Variants in PREX1 observed in about 807,000 individuals in gnomAD.
The protein encoded by PREX1 is phosphatidylinositol 3,4,5-trisphosphate-dependent Rac exchanger 1 protein.
PREX1 carries 41 observed loss-of-function variants against 198.3 expected under a neutral mutation model. That is an observed-to-expected ratio of 0.21 (90% CI 0.16 to 0.27). The LOEUF (loss-of-function observed/expected upper bound fraction) is 0.27. PREX1 is among the 10% of genes least tolerant of loss of function. The pLI is 1.00. For synonymous variants in PREX1, 843 were observed against 887.2 expected (o/e 0.95, Z 0.89); for missense variants, 1,620 against 2,200.7 (o/e 0.74, Z 5.28).
intron 1 of PREX1, among the ~76,000 whole-genome samples, chr20:48,802,524 C>G (rs1805583363): frequency 6.6e-6 from 1 of 152,244 alleles, no homozygotes; most frequent in African/African-American, 2.4e-5. Context: ...GACAGGCAGG[C>G]CTTCCCTGAT....
chr20:48,666,501 C>T lies in PREX1; in HGVS notation c.1666-146G>A, dbSNP rs1056832639. ...TTTGTTTACTGCAGTAACCCCAAAA[C>T]GGGTTTGTGATTATTATTTTTTATT... is the stretch of plus-strand genomic sequence containing the variant. On this transcript the variant is annotated intron_variant, in intron 14 of 39. Coordinates refer to ENST00000371941, the MANE Select transcript of PREX1 (RefSeq NM_020820.4). This position sits in a 1 kb window ranked among gnomAD's most constrained non-coding sequence, Gnocchi z 4.3. The T allele has an allele frequency of 3.7e-5, 20 of 542,466 alleles. No individual in the cohort carries two copies. Among genetic ancestry groups the T allele is most frequent in the East Asian group, 1.3e-4 (4 of 30,762 alleles). 33.6% of individuals were successfully genotyped at this position (542,466 alleles called of 1,614,324 possible).
At chr20:48,792,815 A>AAAAAACAC (rs1555845875) in intron 1 of PREX1, among the ~76,000 whole-genome samples, 1 of 75,842 alleles carries the variant, frequency 1.3e-5, no homozygotes, top group African/African-American at 6.8e-5. Context: ...AAAAAAAAAA[A>AAAAAACAC]ATACACACAC....
rs559591564 is a variant in PREX1 at position 48,673,009 on chromosome 20, G to A, written c.1665+3184C>T. On this transcript the variant is annotated intron_variant, in intron 14 of 39. Transcript: ENST00000371941. ...GAACCAAAAACAGCCCCTGATACAC[G>A]GCAGGTGCTCAAAAATAATTAAAAA... 7.5e-5 allele frequency among the ~76,000 whole-genome samples: 11 copies of A among 147,466 alleles called. No individual in the cohort carries two copies. The South Asian group carries it at 2.1e-3, about 28-fold the overall frequency.
At chr20:48,681,127 G>T (rs893519467) in intron 11 of PREX1, 108 bp downstream of exon 11, 25 of 956,042 alleles carry the variant, frequency 2.6e-5, no homozygotes, top group Non-Finnish European at 4.1e-5. Context: ...AGAAAACACG[G>T]CGGCTGCACG....
the PREX1 span, among the ~76,000 whole-genome samples, chr20:48,862,850 C>T: frequency 7.0e-6 from 1 of 143,402 alleles, no homozygotes; most frequent in African/African-American, 2.6e-5. Context: ...GAGACAGGGC[C>T]TCACTGTGTT....
chr20:48,734,436 G>T, intron 4 of PREX1, 110 bp downstream of exon 4: 1 of 941,364 alleles, frequency 1.1e-6, no homozygotes, highest in Non-Finnish European at 1.7e-6. Flanking sequence ...GATTACCCCA[G>T]CCAAGGAAAG....
chr20:48,867,952 T>C, the PREX1 span, among the ~76,000 whole-genome samples: 3 of 151,566 alleles, frequency 2.0e-5, no homozygotes, highest in Admixed American at 1.3e-4. Context: ...CAAGTGATCC[T>C]ACCACCTTGG....
intron 2 of PREX1, 103 bp from the exon 3 acceptor site, chr20:48,745,250 A>G: frequency 7.7e-7 from 1 of 1,293,456 alleles, no homozygotes; most frequent in Non-Finnish European, 1.1e-6. Context: ...CATTGTAGTC[A>G]AAGAAGAACT....
chr20:48,839,899 G>A, the PREX1 span, among the ~76,000 whole-genome samples: 5 of 152,236 alleles, frequency 3.3e-5, no homozygotes, highest in Non-Finnish European at 5.9e-5. Flanking sequence ...CCCTGGAGGA[G>A]AGCCAGACTA....
intron 14 of PREX1, among the ~76,000 whole-genome samples, chr20:48,672,900 T>A (rs1481805526): frequency 6.6e-6 from 1 of 152,226 alleles, no homozygotes; most frequent in Non-Finnish European, 1.5e-5. Flanking sequence ...TTCTTATTTA[T>A]TAAGTGTCTC....
intron 14 of PREX1, among the ~76,000 whole-genome samples, chr20:48,675,806 A>G (rs1401501571): frequency 6.6e-6 from 1 of 152,172 alleles, no homozygotes; most frequent in Non-Finnish European, 1.5e-5. Flanking sequence ...TGGGAGGCCG[A>G]GGCGGGCAGA....
intron 15 of PREX1, among the ~76,000 whole-genome samples, chr20:48,661,878 T>A (rs2089599290): frequency 6.6e-6 from 1 of 152,056 alleles, no homozygotes; most frequent in African/African-American, 2.4e-5. Flanking sequence ...GCCTGTTAGA[T>A]GAGGCAGGGC....
At chr20:48,647,140 G>C (rs562751650) in intron 25 of PREX1, among the ~76,000 whole-genome samples, 1 of 152,196 alleles carries the variant, frequency 6.6e-6, no homozygotes, top group Non-Finnish European at 1.5e-5. Context: ...TGAGGCAGGA[G>C]GATCACTTGA....
intron 10 of PREX1, among the ~76,000 whole-genome samples, chr20:48,688,169 G>A (rs1271318415): frequency 1.3e-5 from 2 of 152,022 alleles, no homozygotes. Context: ...AATTACCTGT[G>A]TTCAATACCT....
At chr20:48,731,822 T>C (rs1184404751) in intron 4 of PREX1, among the ~76,000 whole-genome samples, 3 of 152,200 alleles carry the variant, frequency 2.0e-5, no homozygotes, top group Admixed American at 6.5e-5. Context: ...ATAGGGCAGT[T>C]TGACCCACCA....
chr20:48,747,904 G>A (rs767229802), intron 1 of PREX1, 24 bp from the exon 2 acceptor site: 2 of 1,599,206 alleles, frequency 1.3e-6, no homozygotes, highest in East Asian at 4.5e-5. Flanking sequence ...GCAGAGAGAG[G>A]TGAGTGTCCG....
chr20:48,873,905 A>C, the PREX1 span, among the ~76,000 whole-genome samples: 1 of 152,048 alleles, frequency 6.6e-6, no homozygotes, highest in African/African-American at 2.4e-5. Flanking sequence ...CTTGGTGCCG[A>C]GACAGTCTTG....
chr20:48,877,802 C>A, the PREX1 span, among the ~76,000 whole-genome samples: 4 of 151,696 alleles, frequency 2.6e-5, no homozygotes, highest in Non-Finnish European at 5.9e-5. Context: ...AGCCCAAGTT[C>A]TTCAGAACAA....
Position 48,827,607 on chromosome 20 carries a change from G to T in PREX1, c.219+35C>A. On this transcript the variant is annotated intron_variant, in intron 1 of 39. Transcript: ENST00000371941. The surrounding 1 kb of genome is among the most constrained non-coding windows in gnomAD (Gnocchi z 4.1). ...ACCGCAGCGGGGCGAGCGGCTGGAG[G>T]GAAAGCTGTCCCCAAGCTCCCGAGC... 2 of 1,235,472 alleles carry T rather than the reference G, an allele frequency of 1.6e-6. No individual in the cohort carries two copies. Among genetic ancestry groups the T allele is most frequent in the South Asian group, 3.6e-5 (1 of 28,118 alleles). The allele number at this position is 1,235,472 out of a possible 1,614,324, so 76.5% of individuals were successfully genotyped here. A position where few individuals can be genotyped will look rare whatever the true frequency, so the allele number is the denominator to read the frequency against.
Sources: gnomAD v4.1 joint callset for allele counts (sites outside exome capture counted in the v4.1 genomes callset) on GRCh38, gnomAD v4.1.1 for gene constraint, Gnocchi (gnomAD v3.1) non-coding constraint, MANE v1.5 for transcripts, NCBI Gene and HGNC (gene_info 2026-07-23, HGNC 2026-07-21) for gene names.